Variants in DOCK1 observed in about 807,000 individuals in gnomAD.
DOCK1 encodes dedicator of cytokinesis 1.
A neutral mutation model predicts 262.7 loss-of-function variants in DOCK1; 138 were observed. The ratio of observed to expected loss-of-function variants is 0.53; its 90% CI spans 0.46 to 0.61. DOCK1 has a LOEUF of 0.61. Ranked by LOEUF, DOCK1 falls within the 20% of genes least tolerant of loss-of-function variation. DOCK1 has a pLI of 0.00. For missense variants in DOCK1, 1,908 were observed against 2,370.7 expected (o/e 0.80, Z 4.05); for synonymous variants, 866 against 867.4 (o/e 1.00, Z 0.03).
chr10:127,000,759 ATGTTGGTGTTCTTCCTCCG>A (rs2040529777), intron 10 of DOCK1: 4 of 101,978 alleles, frequency 3.9e-5, no homozygotes, highest in Admixed American at 2.4e-4. Context: ...TTTCTCCGCC[ATGTTGGTGTTCTTCCTCCG>A]CCATGTTGGT....
chr10:127,228,955 G>A (rs983777756), intron 27 of DOCK1, among the ~76,000 whole-genome samples: 2 of 152,094 alleles, frequency 1.3e-5, no homozygotes, highest in Non-Finnish European at 1.5e-5. Context: ...GTCTTTGGCC[G>A]GGTGCAGTGG....
At chr10:126,932,132 T>C (rs898568597) in intron 1 of DOCK1, among the ~76,000 whole-genome samples, 1 of 152,194 alleles carries the variant, frequency 6.6e-6, no homozygotes, top group Non-Finnish European at 1.5e-5. Flanking sequence ...TTCAGAGTGC[T>C]TGATTATCTG....
chr10:127,427,764 T>A (rs190207393), intron 47 of DOCK1, among the ~76,000 whole-genome samples: 9 of 152,332 alleles, frequency 5.9e-5, no homozygotes, highest in Non-Finnish European at 1.3e-4. Flanking sequence ...TTGGTTATGA[T>A]CACACTGCAT....
At chr10:126,979,493 G>A (rs2038790583) in intron 3 of DOCK1, among the ~76,000 whole-genome samples, 2 of 152,068 alleles carry the variant, frequency 1.3e-5, no homozygotes, top group Admixed American at 6.5e-5. Flanking sequence ...GGACACAACT[G>A]CCACATCCTG....
chr10:127,116,241 C>T (rs867202462), intron 25 of DOCK1, among the ~76,000 whole-genome samples: 10 of 152,166 alleles, frequency 6.6e-5, no homozygotes, highest in African/African-American at 2.4e-4. Context: ...TCCTTGTAGA[C>T]AGTGTTCATG....
intron 14 of DOCK1, 125 bp downstream of exon 14, chr10:127,023,449 C>G: frequency 7.6e-7 from 1 of 1,318,296 alleles, no homozygotes; most frequent in Non-Finnish European, 1.0e-6. Flanking sequence ...TTGGGATTGG[C>G]GTTGGTTCTT....
chr10:126,924,040 G>A (rs577905594), intron 1 of DOCK1, among the ~76,000 whole-genome samples: 14 of 152,256 alleles, frequency 9.2e-5, no homozygotes, highest in Non-Finnish European at 1.6e-4. Flanking sequence ...ATGGCAGCCC[G>A]AACAGAGGTA....
At chr10:126,988,122 T>C (rs1257981479) in intron 5 of DOCK1, 2 of 152,500 alleles carry the variant, frequency 1.3e-5, no homozygotes, top group African/African-American at 4.8e-5. Context: ...TATTTTACAT[T>C]CTAGCTTCGT....
At chr10:126,958,779 A>T (rs2036957089) in intron 1 of DOCK1, among the ~76,000 whole-genome samples, 1 of 152,058 alleles carries the variant, frequency 6.6e-6, no homozygotes, top group African/African-American at 2.4e-5. Context: ...CTCCGCTCAG[A>T]TGTGTTCAGG....
intron 10 of DOCK1, among the ~76,000 whole-genome samples, chr10:127,002,941 A>G (rs544897207): frequency 1.3e-5 from 2 of 152,342 alleles, no homozygotes; most frequent in South Asian, 4.1e-4. Context: ...TGAATTTTCC[A>G]GAGTGTGGCT....
At chr10:127,059,270 T>G (rs964943389) in intron 22 of DOCK1, among the ~76,000 whole-genome samples, 1 of 152,216 alleles carries the variant, frequency 6.6e-6, no homozygotes, top group African/African-American at 2.4e-5. Flanking sequence ...AATCTTACTA[T>G]GGGTTGCATA....
chr10:127,319,628 T>A (rs530826100), intron 29 of DOCK1, among the ~76,000 whole-genome samples: 1 of 152,286 alleles, frequency 6.6e-6, no homozygotes, highest in Admixed American at 6.5e-5. Flanking sequence ...GTTATATTGG[T>A]GAATACGATT....
intron 40 of DOCK1, among the ~76,000 whole-genome samples, chr10:127,407,032 G>T (rs986538261): frequency 1.3e-5 from 2 of 151,626 alleles, no homozygotes; most frequent in African/African-American, 4.8e-5. Flanking sequence ...TTTTTTTTCG[G>T]GGGGGCGGTG....
rs760520423 is a variant in DOCK1, at chr10:127,374,202, C to T, written c.3663C>T (p.Thr1221=). 8.7e-6 allele frequency: 14 copies of T among 1,609,624 alleles called. No homozygotes were observed. Among genetic ancestry groups the T allele is most frequent in the South Asian group, 6.7e-5 (6 of 89,828 alleles). ...ACAAAGAAAACCGCATGAGCTGCAC[C>T]GTCAATGTGCTGGTGAGTGAAAGCT... ...DENKENRMSC[T]VNVLNFYKEI... The change falls in exon 35 of 52, where the codon ACC becomes ACT. Residue 1221 remains threonine (T), a synonymous_variant. Coordinates refer to ENST00000623213, the MANE Select transcript of DOCK1 (RefSeq NM_001290223.2).
chr10:127,022,143 A>C (rs9418789), intron 13 of DOCK1, among the ~76,000 whole-genome samples: 22,653 of 150,964 alleles, frequency 0.15, 2,031 homozygotes, highest in South Asian at 0.32. Context: ...CGTTTTTTTT[A>C]CCCCCTACAA....
intron 27 of DOCK1, among the ~76,000 whole-genome samples, chr10:127,157,657 G>A (rs957673462): frequency 1.8e-4 from 27 of 152,290 alleles, no homozygotes; most frequent in Non-Finnish European, 3.8e-4. Context: ...CATATCTGTG[G>A]TCATTCTTTT....
At chr10:127,366,961 T>C (rs779572223) in intron 33 of DOCK1, among the ~76,000 whole-genome samples, 1 of 152,224 alleles carries the variant, frequency 6.6e-6, no homozygotes, top group Non-Finnish European at 1.5e-5. Flanking sequence ...AGCTTATGTT[T>C]TAAAGGTTGC....
At chr10:127,251,855 T>TC (rs1322825476) in intron 28 of DOCK1, among the ~76,000 whole-genome samples, 3 of 147,938 alleles carry the variant, frequency 2.0e-5, no homozygotes, top group African/African-American at 7.4e-5. Flanking sequence ...TGTGCATGTG[T>TC]CTTTATAGCA....
At chr10:127,239,451 G>A (rs760841576) in intron 27 of DOCK1, among the ~76,000 whole-genome samples, 18 of 152,014 alleles carry the variant, frequency 1.2e-4, no homozygotes, top group Non-Finnish European at 1.8e-4. Flanking sequence ...ATTTAATGAT[G>A]TGTGTGACAT....
Sources: gnomAD v4.1 joint callset for allele counts (sites outside exome capture counted in the v4.1 genomes callset) on GRCh38, gnomAD v4.1.1 for gene constraint, MANE v1.5 for transcripts, NCBI Gene and HGNC (gene_info 2026-07-23, HGNC 2026-07-21) for gene names.